Variants in IL15 observed in about 807,000 individuals in gnomAD.
IL15 encodes the protein interleukin 15.
In IL15, 11 loss-of-function variants were observed where a neutral mutation model predicts 19.6. That is an observed-to-expected ratio of 0.56 (90% CI 0.35 to 0.93). IL15 has a LOEUF of 0.93. Among genes scored for constraint, IL15 ranks in the 40% least tolerant of loss-of-function variants. The pLI is 0.01. For missense variants in IL15, 197 were observed against 186.5 expected (o/e 1.06, Z -0.33); for synonymous variants, 58 against 59.6 (o/e 0.97, Z 0.12).
At chr4:141,685,904 A>G (rs531481398) in intron 2 of IL15, among the ~76,000 whole-genome samples, 8 of 152,172 alleles carry the variant, frequency 5.3e-5, no homozygotes, top group African/African-American at 1.9e-4. Flanking sequence ...TGTTACAGCC[A>G]TTGGGGTCGC....
At chr4:141,690,296 A>T (rs1048216208) in intron 2 of IL15, among the ~76,000 whole-genome samples, 29 of 152,292 alleles carry the variant, frequency 1.9e-4, no homozygotes, top group Admixed American at 1.0e-3. Context: ...CAGCGCAGAA[A>T]GGGGCTCCCA....
chr4:141,670,650 C>G (rs1728142635), intron 2 of IL15, among the ~76,000 whole-genome samples: 1 of 152,084 alleles, frequency 6.6e-6, no homozygotes, highest in African/African-American at 2.4e-5. Flanking sequence ...ACTAGTACAA[C>G]CTAGAAATTA....
intron 2 of IL15, among the ~76,000 whole-genome samples, chr4:141,674,926 CTGGGTGTTCTACT>C (rs139019339): frequency 0.09 from 13,674 of 152,110 alleles, 858 homozygotes; most frequent in Admixed American, 0.22. Flanking sequence ...GCAGGCTGGA[CTGGGTGTTCTACT>C]TGGGGTCTCT....
At chr4:141,721,825 C>T (rs908920778) in intron 4 of IL15, 99 bp from the exon 5 acceptor site, 107 of 1,047,016 alleles carry the variant, frequency 1.0e-4, no homozygotes, top group Non-Finnish European at 1.5e-4. Flanking sequence ...GATTTTTTCA[C>T]TGGTCAGAAT....
chr4:141,729,949 A>G lies in IL15; in HGVS notation c.343A>G (p.Ile115Val). The G allele has an allele frequency of 6.2e-7, 1 of 1,606,892 alleles. No homozygotes were observed. The highest frequency in any genetic ancestry group is 2.2e-5 in the East Asian group (1 of 44,842). Residue 115 changes from isoleucine to valine, a missense_variant, in exon 7 of 8, where the codon ATC (isoleucine) becomes GTC (valine). By Grantham distance (29) the Ile-to-Val change is conservative. Transcript: ENST00000320650. ...TATTCATGATACAGTAGAAAATCTG[A>G]TCATCCTAGCAAACAACAGTTTGTC... Reference protein sequence around the residue: ...ASIHDTVENLIILANNSLSSN... With the variant: ...ASIHDTVENLVILANNSLSSN...
At chr4:141,718,556 T>C (rs1729968633) in intron 2 of IL15, 1 of 152,240 alleles carries the variant, frequency 6.6e-6, no homozygotes, top group Admixed American at 6.5e-5. Flanking sequence ...TACACCTTTG[T>C]ATCTTGCTTA....
intron 2 of IL15, among the ~76,000 whole-genome samples, chr4:141,661,883 T>C (rs746940358): frequency 1.2e-4 from 18 of 152,314 alleles, no homozygotes; most frequent in Middle Eastern, 3.4e-3. Flanking sequence ...TAAAATACTT[T>C]TTTCTGTGTC....
At chr4:141,680,964 C>T (rs1469773002) in intron 2 of IL15, among the ~76,000 whole-genome samples, 2 of 152,154 alleles carry the variant, frequency 1.3e-5, no homozygotes, top group Non-Finnish European at 2.9e-5. Context: ...AGTGCCAGTT[C>T]TTCCTTACTA....
chr4:141,697,800 C>T (rs1222056681), intron 2 of IL15, among the ~76,000 whole-genome samples: 1 of 151,554 alleles, frequency 6.6e-6, no homozygotes, highest in Non-Finnish European at 1.5e-5. Context: ...CAATCGATGT[C>T]TTCTTTACCA....
chr4:141,697,776 G>A (rs184011724), intron 2 of IL15, among the ~76,000 whole-genome samples: 2 of 151,452 alleles, frequency 1.3e-5, no homozygotes, highest in East Asian at 3.9e-4. Flanking sequence ...TATAAAAGGG[G>A]TCGAATGACA....
intron 2 of IL15, among the ~76,000 whole-genome samples, chr4:141,685,980 C>T (rs1728696619): frequency 6.6e-6 from 1 of 152,118 alleles, no homozygotes. Context: ...TATTTAGAAC[C>T]TAGCACATCC....
intron 2 of IL15, among the ~76,000 whole-genome samples, chr4:141,677,432 T>C (rs144455799): frequency 4.2e-4 from 64 of 152,348 alleles, no homozygotes; most frequent in African/African-American, 1.4e-3. Context: ...TATGTGTTAA[T>C]TGGCTGTGTT....
At chr4:141,690,892 C>G (rs1728887176) in intron 2 of IL15, among the ~76,000 whole-genome samples, 1 of 152,146 alleles carries the variant, frequency 6.6e-6, no homozygotes, top group Non-Finnish European at 1.5e-5. Flanking sequence ...TGTGCCATTG[C>G]CCATTATTTC....
At chr4:141,703,172 A>G (rs1326578038) in intron 2 of IL15, among the ~76,000 whole-genome samples, 2 of 152,144 alleles carry the variant, frequency 1.3e-5, no homozygotes, top group African/African-American at 4.8e-5. Context: ...CTGAGGCCAT[A>G]AGCTTCCCTG....
intron 2 of IL15, among the ~76,000 whole-genome samples, chr4:141,709,073 TTGAAAATTTTCAA>T (rs1729623888): frequency 1.4e-5 from 2 of 140,356 alleles, no homozygotes; most frequent in South Asian, 4.5e-4. Context: ...TTATTCAATA[TTGAAAATTTTCAA>T]TATTGAAAAA....
At chr4:141,655,079 T>C (rs776263532) in intron 1 of IL15, among the ~76,000 whole-genome samples, 5 of 152,240 alleles carry the variant, frequency 3.3e-5, no homozygotes, top group Non-Finnish European at 7.4e-5. Context: ...GGGAATCAGA[T>C]GGGTCTAAAT....
At chr4:141,654,725 T>A (rs1226921618) in intron 1 of IL15, among the ~76,000 whole-genome samples, 1 of 152,236 alleles carries the variant, frequency 6.6e-6, no homozygotes, top group Non-Finnish European at 1.5e-5. Context: ...ATTGTTATAA[T>A]GCTTTCAAGT....
At chr4:141,721,862 A>G (rs2152190272) in intron 4 of IL15, 62 bp from the exon 5 acceptor site, 5 of 1,371,288 alleles carry the variant, frequency 3.6e-6, no homozygotes, top group Non-Finnish European at 5.1e-6. Flanking sequence ...TCTTTTGCTT[A>G]TAGTATTCAT....
At chr4:141,673,009 G>A (rs940726030) in intron 2 of IL15, among the ~76,000 whole-genome samples, 1 of 152,122 alleles carries the variant, frequency 6.6e-6, no homozygotes, top group South Asian at 2.1e-4. Flanking sequence ...TCATGTAGCT[G>A]CTGTGAGCTT....
Sources: gnomAD v4.1 joint callset for allele counts (sites outside exome capture counted in the v4.1 genomes callset) on GRCh38, gnomAD v4.1.1 for gene constraint, MANE v1.5 for transcripts, NCBI Gene and HGNC (gene_info 2026-07-23, HGNC 2026-07-21) for gene names.